Variants in GRM1 observed in about 807,000 individuals in gnomAD.
The protein encoded by GRM1 is metabotropic glutamate receptor 1.
A neutral mutation model predicts 90.9 loss-of-function variants in GRM1; 33 were observed. That is an observed-to-expected ratio of 0.36 (90% CI 0.28 to 0.49). GRM1 has a LOEUF of 0.49. Among genes scored for constraint, GRM1 ranks in the 20% least tolerant of loss-of-function variants. The pLI, the probability that GRM1 is intolerant of heterozygous loss-of-function variation, is 0.99. For synonymous variants in GRM1, 700 were observed against 613.2 expected (o/e 1.14, Z -2.09); for missense variants, 1,190 against 1,534.3 (o/e 0.78, Z 3.75).
chr6:146,233,362 A>G (rs1443216868), intron 2 of GRM1, among the ~76,000 whole-genome samples: 1 of 152,110 alleles, frequency 6.6e-6, no homozygotes, highest in East Asian at 1.9e-4. Context: ...TGTGATGTCA[A>G]TCATGATGGA....
At chr6:146,322,755 C>T (rs1260214628) in intron 3 of GRM1, among the ~76,000 whole-genome samples, 2 of 151,448 alleles carry the variant, frequency 1.3e-5, no homozygotes, top group African/African-American at 4.8e-5. Flanking sequence ...CTCCCGCCCT[C>T]CACCCACCCC....
intron 2 of GRM1, among the ~76,000 whole-genome samples, chr6:146,274,535 C>G (rs1782285508): frequency 1.3e-5 from 2 of 152,100 alleles, no homozygotes; most frequent in Non-Finnish European, 2.9e-5. Context: ...TTTGTTCTCA[C>G]AGTATTTAAA....
At chr6:146,411,668 G>C (rs1345741162) in intron 7 of GRM1, among the ~76,000 whole-genome samples, 1 of 152,188 alleles carries the variant, frequency 6.6e-6, no homozygotes. Context: ...ACAGTGGCCT[G>C]ACCTGTGGCT....
chr6:146,349,947 A>G (rs1785335501), intron 3 of GRM1, among the ~76,000 whole-genome samples: 1 of 152,202 alleles, frequency 6.6e-6, no homozygotes, highest in South Asian at 2.1e-4. Flanking sequence ...GTTAGAAGGC[A>G]CCTGACTTAA....
chr6:146,226,692 C>T (rs12210114), intron 2 of GRM1, among the ~76,000 whole-genome samples: 20,739 of 152,074 alleles, frequency 0.14, 1,551 homozygotes, highest in South Asian at 0.2. Flanking sequence ...TACAATTGAT[C>T]GGTAGGTGGA....
At chr6:146,089,380 T>G (rs1776644467) in intron 1 of GRM1, among the ~76,000 whole-genome samples, 1 of 152,096 alleles carries the variant, frequency 6.6e-6, no homozygotes. Context: ...ACAGCCTGGA[T>G]GAGACCTCAA....
chr6:146,146,111 T>C (rs1777090976), intron 1 of GRM1, among the ~76,000 whole-genome samples: 3 of 83,416 alleles, frequency 3.6e-5, no homozygotes, highest in African/African-American at 1.5e-4. Flanking sequence ...ATCTTTTTTT[T>C]TTTTTTTTTT....
At chr6:146,201,209 C>T (rs1425326622) in intron 2 of GRM1, among the ~76,000 whole-genome samples, 2 of 152,184 alleles carry the variant, frequency 1.3e-5, no homozygotes, top group African/African-American at 4.8e-5. Flanking sequence ...CTTAGGAGTG[C>T]ACATGATACC....
intron 2 of GRM1, among the ~76,000 whole-genome samples, chr6:146,168,095 G>A (rs867671349): frequency 6.6e-6 from 1 of 151,856 alleles, no homozygotes; most frequent in Non-Finnish European, 1.5e-5. Flanking sequence ...TATCCCAGTC[G>A]TTTGAGAACA....
chr6:146,396,845 A>G (rs1016061009), intron 6 of GRM1, among the ~76,000 whole-genome samples: 24 of 152,238 alleles, frequency 1.6e-4, no homozygotes, highest in Non-Finnish European at 1.3e-4. Flanking sequence ...CAAAGGTTAT[A>G]TGACTTAATA....
intron 2 of GRM1, among the ~76,000 whole-genome samples, chr6:146,241,948 C>A (rs912890172): frequency 6.6e-6 from 1 of 152,068 alleles, no homozygotes; most frequent in East Asian, 1.9e-4. Context: ...ACCAGGGAAG[C>A]CTTAGGCTTC....
chr6:146,398,220 A>C (rs1777037239), intron 6 of GRM1, among the ~76,000 whole-genome samples: 1 of 152,184 alleles, frequency 6.6e-6, no homozygotes, highest in African/African-American at 2.4e-5. Context: ...TTAAGGTATA[A>C]TATAGAGTTA....
intron 3 of GRM1, among the ~76,000 whole-genome samples, chr6:146,328,309 T>C (rs565994851): frequency 7.9e-5 from 12 of 152,152 alleles, no homozygotes; most frequent in African/African-American, 2.9e-4. Flanking sequence ...CACACACATA[T>C]ACACACTGAC....
At chr6:146,068,254 C>T (rs1368037129) in intron 1 of GRM1, among the ~76,000 whole-genome samples, 2 of 152,100 alleles carry the variant, frequency 1.3e-5, no homozygotes, top group Non-Finnish European at 2.9e-5. Context: ...GCTGGGACTA[C>T]AGGCGCCCGC....
chr6:146,135,083 A>G (rs1361646696), intron 1 of GRM1, among the ~76,000 whole-genome samples: 1 of 152,240 alleles, frequency 6.6e-6, no homozygotes, highest in Non-Finnish European at 1.5e-5. Context: ...GAGCCAGACC[A>G]TATCAGATAC....
At chr6:146,249,086 A>T (rs1781179427) in intron 2 of GRM1, among the ~76,000 whole-genome samples, 1 of 152,230 alleles carries the variant, frequency 6.6e-6, no homozygotes, top group African/African-American at 2.4e-5. Flanking sequence ...TCACAAGAAA[A>T]TGGGTTGAAA....
chr6:146,029,782 A>G lies in GRM1; in HGVS notation c.265A>G (p.Ile89Val). 2 of 1,613,944 alleles carry G rather than the reference A, an allele frequency of 1.2e-6. No homozygotes were observed. The highest frequency in any genetic ancestry group is 1.7e-6 in the Non-Finnish European group (2 of 1,179,968). ...GGCCATGTTCCACACGTTGGATAAG[A>G]TCAACGCGGACCCGGTCCTCCTGCC... Reference protein sequence around the residue: ...VEAMFHTLDKINADPVLLPNI... With the variant: ...VEAMFHTLDKVNADPVLLPNI... Residue 89 changes from isoleucine to valine, a missense_variant, in exon 1 of 8, where the codon ATC becomes GTC. Ile to Val is a conservative substitution (Grantham distance 29). Coordinates refer to ENST00000282753, the MANE Select transcript of GRM1 (RefSeq NM_001278064.2).
intron 1 of GRM1, among the ~76,000 whole-genome samples, chr6:146,035,549 C>T (rs888353685): frequency 2.0e-5 from 3 of 151,964 alleles, no homozygotes; most frequent in African/African-American, 7.2e-5. Flanking sequence ...ACATTTAAAA[C>T]ATTTTATGAG....
chr6:146,055,570 A>C (rs1775455842), intron 1 of GRM1, among the ~76,000 whole-genome samples: 1 of 152,098 alleles, frequency 6.6e-6, no homozygotes, highest in South Asian at 2.1e-4. Flanking sequence ...TTTAAATGCA[A>C]ATTCAATGAG....
Sources: allele counts gnomAD v4.1 joint callset (sites outside exome capture counted in the v4.1 genomes callset), GRCh38; gene constraint gnomAD v4.1.1; transcripts MANE v1.5; gene names NCBI Gene and HGNC (gene_info 2026-07-23, HGNC 2026-07-21).